Variants in VKORC1L1 observed in about 807,000 individuals in gnomAD.
VKORC1L1 encodes the protein vitamin K epoxide reductase complex subunit 1L1.
VKORC1L1 carries 2 observed loss-of-function variants against 18.9 expected under a neutral mutation model. That is an observed-to-expected ratio of 0.11 (90% confidence interval 0.04 to 0.33). The LOEUF (loss-of-function observed/expected upper bound fraction) is 0.33, where lower values mean the gene tolerates loss of function less well. Ranked by LOEUF, VKORC1L1 falls within the 10% of genes least tolerant of loss-of-function variation. VKORC1L1 has a pLI of 1.00. For missense variants in VKORC1L1, 123 were observed against 224.1 expected (o/e 0.55, Z 2.88); for synonymous variants, 96 against 100.0 (o/e 0.96, Z 0.24).
At position 65,873,266 on chromosome 7, in the gene VKORC1L1, CGGCGGCGGAGGCGGCGGTGGCGGCGGT is replaced by C. The variant is rs1347953986; in HGVS notation, c.-99_-73del. ...GCGGCGGCGGCGGCGGTGGTGGCGG[CGGCGGCGGAGGCGGCGGTGGCGGCGGT>C]GGCGGCTGGGTCGGGCCCCGACGGG... On this transcript the variant is annotated 5_prime_UTR_variant, in exon 1 of 3. Transcript: ENST00000360768. 8 of 981,284 alleles carry C rather than the reference CGGCGGCGGAGGCGGCGGTGGCGGCGGT, an allele frequency of 8.2e-6. No homozygotes were observed. Among genetic ancestry groups the C allele is most frequent in the Non-Finnish European group, 8.5e-6 (7 of 828,312 alleles). The allele number at this position is 981,284 out of a possible 1,614,324, so 60.8% of individuals were successfully genotyped here.
chr7:65,900,660 C>T (rs1379867458), intron 1 of VKORC1L1, among the ~76,000 whole-genome samples: 3 of 151,966 alleles, frequency 2.0e-5, no homozygotes, highest in African/African-American at 7.2e-5. Context: ...AATATTAGAA[C>T]TGGGTGTTGT....
intron 1 of VKORC1L1, among the ~76,000 whole-genome samples, chr7:65,928,254 C>CTTTTTTT (rs760146385): frequency 9.4e-6 from 1 of 106,226 alleles, no homozygotes; most frequent in Admixed American, 1.0e-4. Flanking sequence ...TTTTTTCCTT[C>CTTTTTTT]TTTTTTTTTT....
chr7:65,889,087 A>AT (rs57828998), intron 1 of VKORC1L1, among the ~76,000 whole-genome samples: 3,272 of 138,354 alleles, frequency 0.024, 68 homozygotes, highest in East Asian at 0.1. Context: ...ACCACTCTCA[A>AT]TTTTTTTTTT....
At position 65,873,479 on chromosome 7, in the gene VKORC1L1, G is replaced by T; in HGVS notation, c.108G>T (p.Val36=). The T allele has an allele frequency of 6.3e-7, 1 of 1,597,142 alleles. No individual in the cohort carries two copies. The change falls in exon 1 of 3, where the codon GTG becomes GTT. Residue 36 remains valine (V), a synonymous_variant. Coordinates refer to ENST00000360768, the MANE Select transcript of VKORC1L1 (RefSeq NM_173517.6). ...GILLSIYAYH[V]EREKERDPEH... is the part of the protein sequence containing the mutation. ...TGCTCTCCATCTACGCCTACCACGT[G>T]GAGCGGGAGAAGGAGCGGGACCCCG...
chr7:65,907,779 G>T (rs1789429747), intron 1 of VKORC1L1, among the ~76,000 whole-genome samples: 2 of 152,268 alleles, frequency 1.3e-5, no homozygotes, highest in African/African-American at 4.8e-5. Flanking sequence ...GAACTTCAGG[G>T]AGTCTGAGAT....
chr7:65,946,643 A>T (rs914332830), intron 1 of VKORC1L1, among the ~76,000 whole-genome samples: 1 of 152,120 alleles, frequency 6.6e-6, no homozygotes. Context: ...TGCTGCAGGT[A>T]ATCTGGCATT....
At position 65,921,083 on chromosome 7, in the gene VKORC1L1, T is replaced by C. The variant is rs1445578408; in HGVS notation, c.195-27588T>C. Reference sequence around the variant, plus strand: ...ACTTTGGGGGGGGTTTAACTGGCTGTTATTTTTGTAACTTTTTGAGATTGA... The same window carrying C: ...ACTTTGGGGGGGGTTTAACTGGCTGCTATTTTTGTAACTTTTTGAGATTGA... On this transcript the variant is annotated intron_variant, in intron 1 of 2. Transcript: ENST00000360768. Among the ~76,000 whole-genome samples the C allele has an allele frequency of 2.6e-5, 4 of 152,146 alleles. No homozygotes were observed. In the South Asian group the frequency reaches 6.2e-4, roughly 24 times the overall value.
At chr7:65,950,795 G>A (rs1460202351) in intron 2 of VKORC1L1, among the ~76,000 whole-genome samples, 2 of 152,226 alleles carry the variant, frequency 1.3e-5, no homozygotes, top group African/African-American at 2.4e-5. Flanking sequence ...AATAGGTATA[G>A]GATAAACGTG....
intron 1 of VKORC1L1, among the ~76,000 whole-genome samples, chr7:65,912,261 G>T (rs565739910): frequency 6.6e-6 from 1 of 152,368 alleles, no homozygotes; most frequent in South Asian, 2.1e-4. Context: ...GGCATGAGCT[G>T]TGCGTAAATG....
At chr7:65,882,936 AT>A (rs1788951894) in intron 1 of VKORC1L1, among the ~76,000 whole-genome samples, 1 of 152,200 alleles carries the variant, frequency 6.6e-6, no homozygotes, top group South Asian at 2.1e-4. Flanking sequence ...TTAATGTACT[AT>A]TTAAAAAACA....
At chr7:65,924,449 A>G (rs1371412266) in intron 1 of VKORC1L1, among the ~76,000 whole-genome samples, 2 of 152,248 alleles carry the variant, frequency 1.3e-5, no homozygotes, top group Non-Finnish European at 2.9e-5. Flanking sequence ...CAGAAAGCAA[A>G]TACTTTAGGC....
At chr7:65,918,638 C>T (rs1240626209) in intron 1 of VKORC1L1, among the ~76,000 whole-genome samples, 1 of 152,172 alleles carries the variant, frequency 6.6e-6, no homozygotes, top group Non-Finnish European at 1.5e-5. Context: ...TTTCTTGCTT[C>T]AGTGCAGGTA....
chr7:65,921,791 T>C (rs1789679953), intron 1 of VKORC1L1, among the ~76,000 whole-genome samples: 1 of 150,646 alleles, frequency 6.6e-6, no homozygotes, highest in Non-Finnish European at 1.5e-5. Context: ...GAGCTTGCAG[T>C]GAGCGGAGAT....
At chr7:65,949,214 GCACA>G (rs1445460247) in intron 2 of VKORC1L1, among the ~76,000 whole-genome samples, 5 of 151,972 alleles carry the variant, frequency 3.3e-5, no homozygotes, top group African/African-American at 1.2e-4. Context: ...GTGCGGTGGT[GCACA>G]CCTGTAATCC....
rs1237157997 is a variant in VKORC1L1, at chr7:65,879,405, G to C, written c.194+5840G>C. Among the ~76,000 whole-genome samples, 3 of 152,208 alleles carry C rather than the reference G, an allele frequency of 2.0e-5. No homozygotes were observed. In the East Asian group the frequency reaches 5.8e-4, roughly 29 times the overall value. The stretch of plus-strand genomic sequence containing the variant: ...CACAAGGAAGTGAATCTGGACTGTA[G>C]TAGAGATAAATGTTAATACTTACAG... On this transcript the variant is annotated intron_variant, in intron 1 of 2. Coordinates refer to ENST00000360768, the MANE Select transcript of VKORC1L1 (RefSeq NM_173517.6).
intron 1 of VKORC1L1, among the ~76,000 whole-genome samples, chr7:65,875,189 G>C (rs1010749454): frequency 2.0e-5 from 3 of 152,112 alleles, no homozygotes; most frequent in African/African-American, 7.2e-5. Flanking sequence ...AATTTGATCA[G>C]CCTGTTTATA....
chr7:65,945,264 GAAAA>G (rs35396314), intron 1 of VKORC1L1, among the ~76,000 whole-genome samples: 1 of 133,158 alleles, frequency 7.5e-6, no homozygotes, highest in African/African-American at 2.8e-5. Context: ...GTCTCAAAAA[GAAAA>G]AAAAAAATAG....
intron 1 of VKORC1L1, among the ~76,000 whole-genome samples, chr7:65,893,016 C>A (rs565608648): frequency 2.6e-5 from 4 of 152,116 alleles, no homozygotes; most frequent in Non-Finnish European, 5.9e-5. Flanking sequence ...TTCCAGAGGC[C>A]GCATGAAATG....
In VKORC1L1 at chr7:65,956,310, A is replaced by T. The variant is rs1481881042; in HGVS notation, c.*2010A>T. 6.6e-6 allele frequency: 1 copy of T among 152,150 alleles called. No homozygotes were observed. The highest frequency in any genetic ancestry group is 2.4e-5 in the African/African-American group (1 of 41,430). The allele number at this position is 152,150 out of a possible 1,614,324, so 9.4% of individuals were successfully genotyped here. On this transcript the variant is annotated 3_prime_UTR_variant, in exon 3 of 3. Transcript: ENST00000360768. ...CAGTGGAAATGGCCTAATGGTTAAA[A>T]CTGTGGTATACATGACATCGGTTGT...
Sources: allele counts gnomAD v4.1 joint callset (sites outside exome capture counted in the v4.1 genomes callset), GRCh38; gene constraint gnomAD v4.1.1; transcripts MANE v1.5; gene names NCBI Gene and HGNC (gene_info 2026-07-23, HGNC 2026-07-21).